Variants in PRDM10 observed in about 807,000 individuals in gnomAD.
The protein encoded by PRDM10 is PR domain zinc finger protein 10.
Under a neutral mutation model 133.1 loss-of-function variants are expected in PRDM10, and 65 were observed. The observed-to-expected ratio is 0.49, with a 90% CI of 0.40 to 0.60. The LOEUF (loss-of-function observed/expected upper bound fraction) is 0.60, where lower values mean the gene tolerates loss of function less well. Among genes scored for constraint, PRDM10 ranks in the 20% least tolerant of loss-of-function variants. The probability of loss-of-function intolerance (pLI) is 0.00; values close to 1 mark genes in which losing one functional copy is unlikely to be tolerated. For synonymous variants in PRDM10, 582 were observed against 580.4 expected (o/e 1.00, Z -0.04); for missense variants, 1,137 against 1,507.1 (o/e 0.75, Z 4.07).
At chr11:129,913,239 A>C (rs1035335412) in intron 17 of PRDM10, among the ~76,000 whole-genome samples, 35 of 151,212 alleles carry the variant, frequency 2.3e-4, no homozygotes, top group Non-Finnish European at 4.1e-4. Flanking sequence ...AAAAAAAAAA[A>C]ACCAAAAACA....
chr11:129,950,822 C>T (rs1471620661), intron 4 of PRDM10, among the ~76,000 whole-genome samples: 2 of 152,162 alleles, frequency 1.3e-5, no homozygotes, highest in Non-Finnish European at 2.9e-5. Context: ...AGTAAAACCG[C>T]GATGTATTTT....
At chr11:129,983,325 C>T (rs529205628) in intron 1 of PRDM10, among the ~76,000 whole-genome samples, 13 of 148,004 alleles carry the variant, frequency 8.8e-5, no homozygotes, top group Admixed American at 1.4e-4. Context: ...GACGGAGTCT[C>T]GCTCTGTCAC....
At chr11:129,991,481 C>A (rs1227078644) in intron 1 of PRDM10, among the ~76,000 whole-genome samples, 2 of 152,076 alleles carry the variant, frequency 1.3e-5, no homozygotes, top group African/African-American at 4.8e-5. Context: ...GTCAGGAGTT[C>A]CAGACCAGCC....
At chr11:129,973,903 T>C (rs1044726513) in intron 1 of PRDM10, among the ~76,000 whole-genome samples, 1 of 152,236 alleles carries the variant, frequency 6.6e-6, no homozygotes, top group African/African-American at 2.4e-5. Context: ...GAACTATGTT[T>C]GATTTGACTT....
At position 129,931,018 on chromosome 11, in the gene PRDM10, G is replaced by C; in HGVS notation, c.1528C>G (p.Arg510Gly). 1 of 1,601,530 alleles carries C rather than the reference G, an allele frequency of 6.2e-7. No individual in the cohort carries two copies. The highest frequency in any genetic ancestry group is 1.1e-5 in the South Asian group (1 of 89,914). ...AGCCGCCGGCTTTCCCCACTTACTC[G>C]GATGCGCTTGGCTCTGCGCATGTCG... ...ADDMRRAKRI[R>G]NAALQHLFIR... is the part of the protein sequence containing the mutation. Residue 510 changes from arginine (R) to glycine (G), a missense_variant and splice_region_variant, in exon 11 of 21, where the codon CGA becomes GGA. By Grantham distance (125) the Arg-to-Gly change is moderately radical (BLOSUM62 -2). Coordinates refer to ENST00000360871, the MANE Select transcript of PRDM10 (RefSeq NM_199437.2).
rs190862960 is a variant in PRDM10, at chr11:129,983,550, G to A, written c.-119+19172C>T. Among the ~76,000 whole-genome samples, 91 of 150,464 alleles carry A rather than the reference G, an allele frequency of 6.0e-4. 1 individual carries two copies. Among genetic ancestry groups the A allele is most frequent in the African/African-American group, 2.1e-3 (88 of 40,966 alleles). ...CCTGACCTTGTGATCTGCCGGTCTCGGCCTCCCAAAGTGCTGGGATTACAG... is the reference window on the plus strand; with the variant it reads ...CCTGACCTTGTGATCTGCCGGTCTCAGCCTCCCAAAGTGCTGGGATTACAG... On this transcript the variant is annotated intron_variant, in intron 1 of 20. Coordinates refer to ENST00000360871, the MANE Select transcript of PRDM10 (RefSeq NM_199437.2).
At chr11:129,970,264 T>C (rs984024116) in intron 1 of PRDM10, among the ~76,000 whole-genome samples, 1 of 152,226 alleles carries the variant, frequency 6.6e-6, no homozygotes, top group Non-Finnish European at 1.5e-5. Context: ...CCACACATAT[T>C]GGTTCATTTA....
chr11:129,944,932 G>A lies in PRDM10; in HGVS notation c.601C>T (p.Leu201Phe). 1 of 1,613,750 alleles carries A rather than the reference G, an allele frequency of 6.2e-7. No individual in the cohort carries two copies. Among genetic ancestry groups the A allele is most frequent in the Non-Finnish European group, 8.5e-7 (1 of 1,179,940 alleles). The change falls in exon 6 of 21, where the codon CTC (leucine) becomes TTC (phenylalanine). Residue 201 changes from leucine to phenylalanine, a missense_variant. This residue lies in a region of PRDM10 where 635 missense variants were observed against 835.2 expected (regional missense o/e 0.76). Transcript: ENST00000360871. ...GGGAGGCTCGCCCTGGCCCGGGTGAGCACCGGCCGGTTGGGGATCGGGTGC... is the reference window on the plus strand; with the variant it reads ...GGGAGGCTCGCCCTGGCCCGGGTGAACACCGGCCGGTTGGGGATCGGGTGC... ...PLHPIPNRPV[L>F]TRARASLPLV...
At chr11:129,937,509 G>T in intron 8 of PRDM10, 89 bp downstream of exon 8, 1 of 1,234,662 alleles carries the variant, frequency 8.1e-7, no homozygotes, top group Non-Finnish European at 1.1e-6. Flanking sequence ...AATATACTGA[G>T]ACAAAAAAAA....
chr11:129,925,055 T>C lies in PRDM10; in HGVS notation c.1705A>G (p.Thr569Ala), dbSNP rs2241571. The C allele has an allele frequency of 0.41, 659,949 of 1,613,842 alleles. 135,187 individuals carry two copies. The highest frequency in any genetic ancestry group is 0.46 in the Middle Eastern group (2,759 of 6,062). ...AGCTTCATGTGGCTCTCCAAGGATG[T>C]GCTGCTGATGAAGCCCTTGTTACAG... ...DLCNKGFISS[T>A]SLESHMKLHS... is the part of the protein sequence containing the mutation. Residue 569 changes from threonine (T) to alanine (A), a missense_variant, in exon 12 of 21, where the codon ACA becomes GCA. By Grantham distance (58) the Thr-to-Ala change is moderately conservative (BLOSUM62 0). This residue lies in a region of PRDM10 where 635 missense variants were observed against 835.2 expected (regional missense o/e 0.76). Coordinates refer to ENST00000360871, the MANE Select transcript of PRDM10 (RefSeq NM_199437.2).
At chr11:129,980,160 T>C (rs1938025064) in intron 1 of PRDM10, among the ~76,000 whole-genome samples, 1 of 152,140 alleles carries the variant, frequency 6.6e-6, no homozygotes, top group Non-Finnish European at 1.5e-5. Flanking sequence ...TTAAACATCA[T>C]AGTTACCGTA....
At chr11:129,969,639 CAAAAAAA>C (rs140612028) in intron 1 of PRDM10, among the ~76,000 whole-genome samples, 9 of 103,464 alleles carry the variant, frequency 8.7e-5, no homozygotes, top group African/African-American at 2.4e-4. Flanking sequence ...ACTAGAAATA[CAAAAAAA>C]AAAAAAAAAA....
At chr11:130,002,663 G>C (rs1480903760) in intron 1 of PRDM10, 59 bp downstream of exon 1, 1 of 153,528 alleles carries the variant, frequency 6.5e-6, no homozygotes, top group African/African-American at 2.4e-5. Context: ...CACCCTCCCA[G>C]TCTATGGGGT....
intron 7 of PRDM10, among the ~76,000 whole-genome samples, chr11:129,938,998 C>T (rs568727372): frequency 6.6e-6 from 1 of 152,340 alleles, no homozygotes; most frequent in East Asian, 1.9e-4. Context: ...CACCCCTGCC[C>T]TAACCCTCTG....
Position 129,938,001 on chromosome 11 carries a change from C to A in PRDM10, c.967-331G>T, listed in dbSNP as rs538237266. 2.2e-4 allele frequency among the ~76,000 whole-genome samples: 33 copies of A among 152,314 alleles called. No individual in the cohort carries two copies. In the South Asian group the frequency reaches 6.6e-3, roughly 31 times the overall value. ...ATCTATATTTAAACACTGGTTTTTA[C>A]AGGGTTGTAGTCATAGTGGTTGCCA... is the stretch of plus-strand genomic sequence containing the variant. On this transcript the variant is annotated intron_variant, in intron 7 of 20. Coordinates refer to ENST00000360871, the MANE Select transcript of PRDM10 (RefSeq NM_199437.2).
In PRDM10 at chr11:129,923,214, G is replaced by T. The variant is rs752562705; in HGVS notation, c.2034+34C>A. ...AGCTTGCTATAATTCCAGTGGCCACGAGAACCACCTTGGGCTGTGCCTTGG... is the reference window on the plus strand; with the variant it reads ...AGCTTGCTATAATTCCAGTGGCCACTAGAACCACCTTGGGCTGTGCCTTGG... On this transcript the variant is annotated intron_variant, in intron 13 of 20. Coordinates refer to ENST00000360871, the MANE Select transcript of PRDM10 (RefSeq NM_199437.2). The surrounding 1 kb of genome is among the most constrained non-coding windows in gnomAD (Gnocchi z 4.4). 1 of 1,531,532 alleles carries T rather than the reference G, an allele frequency of 6.5e-7. No individual in the cohort carries two copies. The highest frequency in any genetic ancestry group is 1.2e-5 in the South Asian group (1 of 81,542). 94.9% of individuals were successfully genotyped at this position (1,531,532 alleles called of 1,614,324 possible).
chr11:129,979,445 C>T (rs759016603), intron 1 of PRDM10, among the ~76,000 whole-genome samples: 2 of 152,172 alleles, frequency 1.3e-5, no homozygotes, highest in Non-Finnish European at 2.9e-5. Context: ...TCACCTGAGG[C>T]TGGTTTGCAG....
intron 1 of PRDM10, among the ~76,000 whole-genome samples, chr11:129,993,469 T>TA (rs1938861528): frequency 6.6e-6 from 1 of 152,122 alleles, no homozygotes; most frequent in African/African-American, 2.4e-5. Flanking sequence ...ATTATTAGCC[T>TA]ACCCAGTGCC....
In PRDM10 at chr11:129,918,758, G is replaced by A. The variant is rs756677984; in HGVS notation, c.2035-40C>T. On this transcript the variant is annotated intron_variant, in intron 13 of 20. Coordinates refer to ENST00000360871, the MANE Select transcript of PRDM10 (RefSeq NM_199437.2). The surrounding 1 kb of genome is among the most constrained non-coding windows in gnomAD (Gnocchi z 5.3). ...TTTTTGAAAACGGGGTAGACACGGG[G>A]GTAGAAAATTTTTAACTGAAGGGAT... 1.3e-6 allele frequency: 2 copies of A among 1,534,770 alleles called. No homozygotes were observed. The highest frequency in any genetic ancestry group is 1.7e-4 in the Middle Eastern group (1 of 5,746).
Sources: allele counts gnomAD v4.1 joint callset (sites outside exome capture counted in the v4.1 genomes callset), GRCh38; gene constraint gnomAD v4.1.1; regional missense constraint gnomAD v4.1.1; non-coding constraint Gnocchi (gnomAD v3.1); transcripts MANE v1.5; gene names NCBI Gene and HGNC (gene_info 2026-07-23, HGNC 2026-07-21).